The following CPE variants were observed in gnomAD, a reference collection of about 807,000 sequenced individuals.
CPE encodes the protein carboxypeptidase E, also known as carbocypeptidase E.
A neutral mutation model predicts 53.5 loss-of-function variants in CPE; 17 were observed. That is an observed-to-expected ratio of 0.32 (90% confidence interval 0.22 to 0.48). CPE has a LOEUF of 0.48. CPE is among the 20% of genes least tolerant of loss of function. The pLI is 0.99. For synonymous variants in CPE, 226 were observed against 228.8 expected (o/e 0.99, Z 0.11); for missense variants, 524 against 614.7 (o/e 0.85, Z 1.56).
intron 8 of CPE, among the ~76,000 whole-genome samples, chr4:165,496,907 A>ATAAGT (rs1419195032): frequency 2.6e-5 from 4 of 152,160 alleles, no homozygotes; most frequent in Admixed American, 6.5e-5. Context: ...AAAATTAACT[A>ATAAGT]TAAGTTACAT....
intron 1 of CPE, among the ~76,000 whole-genome samples, chr4:165,448,788 G>A (rs1217706484): frequency 1.3e-5 from 2 of 149,748 alleles, no homozygotes; most frequent in Non-Finnish European, 3.0e-5. Flanking sequence ...TCATAAGCTA[G>A]AATGTGGACA....
chr4:165,445,904 A>T (rs1731706195), intron 1 of CPE, among the ~76,000 whole-genome samples: 1 of 152,128 alleles, frequency 6.6e-6, no homozygotes, highest in Non-Finnish European at 1.5e-5. Flanking sequence ...CTTGATATGA[A>T]GTCTGGAAAA....
Position 165,497,615 on chromosome 4 carries a change from G to T in CPE, c.*5G>T. 6.5e-7 allele frequency: 1 copy of T among 1,531,002 alleles called. No homozygotes were observed. The highest frequency in any genetic ancestry group is 8.8e-7 in the Non-Finnish European group (1 of 1,133,398). 94.8% of individuals were successfully genotyped at this position (1,531,002 alleles called of 1,614,324 possible). A position where few individuals can be genotyped will look rare whatever the true frequency, so the allele number is the denominator to read the frequency against. On this transcript the variant is annotated 3_prime_UTR_variant, in exon 9 of 9. Transcript: ENST00000402744. ...TCAGAAACTTTAAATTTTTAAAAAG[G>T]CTTCTAGTTAGCTGCTTTAAATCTA...
intron 3 of CPE, among the ~76,000 whole-genome samples, chr4:165,474,127 G>C (rs985977298): frequency 6.6e-6 from 1 of 152,228 alleles, no homozygotes; most frequent in African/African-American, 2.4e-5. Flanking sequence ...GGGGGCTGGA[G>C]AGCTTATAAA....
chr4:165,405,428 A>G, intron 1 of CPE: 7 of 892,082 alleles, frequency 7.8e-6, no homozygotes. Context: ...CCCTTGCTCA[A>G]TTCCAGTCTT....
rs778851366 is a variant in CPE at position 165,495,691 on chromosome 4, A to G, written c.1332+14A>G. On this transcript the variant is annotated intron_variant, in intron 8 of 8. Transcript: ENST00000402744. ...CCTGCTGCTGGGGTAAGTAATCATA[A>G]TAATAGCCAAACGCTATAATAATAA... The G allele has an allele frequency of 6.7e-7, 1 of 1,496,218 alleles. No homozygotes were observed. Among genetic ancestry groups the G allele is most frequent in the South Asian group, 1.2e-5 (1 of 86,438 alleles). 92.7% of individuals were successfully genotyped at this position (1,496,218 alleles called of 1,614,324 possible).
chr4:165,404,435 T>A, intron 1 of CPE: 1 of 766,706 alleles, frequency 1.3e-6, no homozygotes, highest in Non-Finnish European at 2.4e-6. Context: ...CTTCACACTC[T>A]CCTGATAGAT....
intron 1 of CPE, among the ~76,000 whole-genome samples, chr4:165,453,221 G>C (rs1413025979): frequency 6.6e-6 from 1 of 152,174 alleles, no homozygotes; most frequent in African/African-American, 2.4e-5. Flanking sequence ...GCCTCCCAAA[G>C]TGCTAGGATG....
At chr4:165,479,852 T>G (rs540592918) in intron 3 of CPE, among the ~76,000 whole-genome samples, 1 of 152,042 alleles carries the variant, frequency 6.6e-6, no homozygotes, top group East Asian at 1.9e-4. Flanking sequence ...ATTAGCCAGG[T>G]GTGGTGGCAG....
At chr4:165,386,760 A>G (rs1730600113) in intron 1 of CPE, among the ~76,000 whole-genome samples, 1 of 152,238 alleles carries the variant, frequency 6.6e-6, no homozygotes, top group African/African-American at 2.4e-5. Flanking sequence ...TTTAAAGATA[A>G]TTGGTAAGCA....
intron 1 of CPE, among the ~76,000 whole-genome samples, chr4:165,421,375 G>T (rs1180329802): frequency 6.6e-6 from 1 of 152,174 alleles, no homozygotes; most frequent in Admixed American, 6.5e-5. Context: ...ATCTTAGTTG[G>T]TATCTCTTCT....
At chr4:165,493,054 T>C (rs2126717702) in intron 6 of CPE, 117 bp from the exon 7 acceptor site, 1 of 613,498 alleles carries the variant, frequency 1.6e-6, no homozygotes, top group Non-Finnish European at 2.8e-6. Flanking sequence ...TCTTAAACAA[T>C]GGGGGTCTAC....
At chr4:165,479,214 C>T (rs1179523263) in intron 3 of CPE, among the ~76,000 whole-genome samples, 1 of 152,096 alleles carries the variant, frequency 6.6e-6, no homozygotes, top group African/African-American at 2.4e-5. Context: ...CTTAAAAAAG[C>T]ATATGCATTA....
At chr4:165,448,370 A>G (rs1216642306) in intron 1 of CPE, among the ~76,000 whole-genome samples, 1 of 152,216 alleles carries the variant, frequency 6.6e-6, no homozygotes, top group African/African-American at 2.4e-5. Flanking sequence ...ATGCAAGAAC[A>G]ATGTCTTCAG....
chr4:165,429,657 G>C (rs35434916), intron 1 of CPE, among the ~76,000 whole-genome samples: 44,578 of 151,220 alleles, frequency 0.29, 6,641 homozygotes, highest in Middle Eastern at 0.39. Context: ...AATCGAGATC[G>C]TGCCTCTGCA....
chr4:165,467,979 C>CT, intron 3 of CPE, 124 bp downstream of exon 3: 1 of 1,103,890 alleles, frequency 9.1e-7, no homozygotes, highest in Non-Finnish European at 1.3e-6. Flanking sequence ...TTAACTGTGG[C>CT]TTTAAGTCAA....
chr4:165,400,644 T>A (rs138503279), intron 1 of CPE, among the ~76,000 whole-genome samples: 1 of 152,248 alleles, frequency 6.6e-6, no homozygotes, highest in East Asian at 1.9e-4. Flanking sequence ...TGAAGGGCAG[T>A]TTCACCTCTA....
chr4:165,421,358 G>A (rs989337514), intron 1 of CPE, among the ~76,000 whole-genome samples: 5 of 152,174 alleles, frequency 3.3e-5, no homozygotes, highest in African/African-American at 1.2e-4. Flanking sequence ...GGCAGAGAAG[G>A]GGCCAAATCT....
intron 1 of CPE, among the ~76,000 whole-genome samples, chr4:165,413,016 TC>T (rs1731064974): frequency 6.6e-6 from 1 of 152,222 alleles, no homozygotes; most frequent in Non-Finnish European, 1.5e-5. Context: ...TCTGGCTGGG[TC>T]CCTGCACACC....
Sources: allele counts gnomAD v4.1 joint callset (sites outside exome capture counted in the v4.1 genomes callset), GRCh38; gene constraint gnomAD v4.1.1; transcripts MANE v1.5; gene names NCBI Gene and HGNC (gene_info 2026-07-23, HGNC 2026-07-21).